Variants in OOSP1 observed in about 807,000 individuals in gnomAD.
The protein encoded by OOSP1 is putative oocyte-secreted protein 1 homolog.
In OOSP1, 11 loss-of-function variants were observed where a neutral mutation model predicts 5.7. The observed-to-expected ratio is 1.94, with a 90% confidence interval of 1.22 to 3.20. The LOEUF (loss-of-function observed/expected upper bound fraction) is 3.20, where lower values mean the gene tolerates loss of function less well. Ranked by LOEUF, OOSP1 falls within the 30% of genes most tolerant of loss-of-function variation. OOSP1 has a pLI of 0.00. For missense variants in OOSP1, 83 were observed against 54.1 expected (o/e 1.53, Z -1.67); for synonymous variants, 44 against 20.0 (o/e 2.20, Z -3.20).
At chr11:59,954,627 C>T (rs946230833) in intron 4 of OOSP1, among the ~76,000 whole-genome samples, 2 of 110,182 alleles carry the variant, frequency 1.8e-5, no homozygotes, top group African/African-American at 6.9e-5. Context: ...AGTGAAGGGA[C>T]TTTATCTATC....
At position 59,946,254 on chromosome 11, in the gene OOSP1, C is replaced by T. The variant is rs148446266; in HGVS notation, c.356+988C>T. On this transcript the variant is annotated intron_variant, in intron 3 of 4. Coordinates refer to ENST00000646685, the Ensembl canonical transcript of OOSP1. ...TAGGTTGCGCACTCCTTATGAGAATCTAATGCCTGGTGATCTGAGGTGGAA... is the reference window on the plus strand; with the variant it reads ...TAGGTTGCGCACTCCTTATGAGAATTTAATGCCTGGTGATCTGAGGTGGAA... Among the ~76,000 whole-genome samples, 13 of 152,342 alleles carry T rather than the reference C, an allele frequency of 8.5e-5. No homozygotes were observed. In the East Asian group the frequency reaches 2.5e-3, roughly 29 times the overall value.
intron 3 of OOSP1, among the ~76,000 whole-genome samples, 172 bp from the exon 4 acceptor site, chr11:59,947,561 A>G (rs1368207960): frequency 6.6e-6 from 1 of 152,150 alleles, no homozygotes; most frequent in African/African-American, 2.4e-5. Flanking sequence ...TAGCACCACA[A>G]ATACTGCCTG....
chr11:59,948,609 T>C, intron 4 of OOSP1: 2 of 394,968 alleles, frequency 5.1e-6, no homozygotes, highest in Non-Finnish European at 8.9e-6. Context: ...TCCATACATA[T>C]ACTTTGCTTT....
At chr11:59,948,041 C>T (rs542203890) in intron 4 of OOSP1, among the ~76,000 whole-genome samples, 179 bp downstream of exon 4, 1 of 152,132 alleles carries the variant, frequency 6.6e-6, no homozygotes, top group East Asian at 1.9e-4. Context: ...TTTTATTGAT[C>T]ATGGTGGTCT....
chr11:59,955,230 G>A (rs1238001300), intron 4 of OOSP1, among the ~76,000 whole-genome samples: 1 of 151,994 alleles, frequency 6.6e-6, no homozygotes, highest in South Asian at 2.1e-4. Context: ...GCTTATTAAA[G>A]CATTTCATCA....
intron 4 of OOSP1, among the ~76,000 whole-genome samples, chr11:59,948,174 T>A (rs1440028571): frequency 6.6e-6 from 1 of 152,210 alleles, no homozygotes; most frequent in African/African-American, 2.4e-5. Context: ...AATAAAGTTC[T>A]GAATTGTAAT....
At chr11:59,950,733 C>T (rs759171966) in intron 4 of OOSP1, among the ~76,000 whole-genome samples, 1 of 151,928 alleles carries the variant, frequency 6.6e-6, no homozygotes, top group African/African-American at 2.4e-5. Context: ...GTTGAGTCAG[C>T]TTTAAGGAAG....
intron 4 of OOSP1, among the ~76,000 whole-genome samples, chr11:59,948,550 C>T (rs552800291): frequency 1.2e-4 from 19 of 152,318 alleles, no homozygotes; most frequent in African/African-American, 4.6e-4. Context: ...AGAACATATA[C>T]TTTCTTTCTT....
chr11:59,945,443 C>T, intron 3 of OOSP1, 177 bp downstream of exon 3: 2 of 665,062 alleles, frequency 3.0e-6, no homozygotes, highest in Non-Finnish European at 5.5e-6. Flanking sequence ...TGTTGCATTG[C>T]TATAAAGAGA....
intron 4 of OOSP1, among the ~76,000 whole-genome samples, chr11:59,952,410 A>C (rs1853949243): frequency 6.6e-6 from 1 of 152,186 alleles, no homozygotes; most frequent in Non-Finnish European, 1.5e-5. Flanking sequence ...TGAGTGGTAA[A>C]AAAAAATGTG....
In OOSP1 at chr11:59,950,890, GT is replaced by G. The variant is rs141283027; in HGVS notation, c.486+3038del. ...AGATAAGTACCTGCACATGGTAATAGTTTTTTTTTTATAGATTACCATGAAT... is the reference window on the plus strand; with the variant it reads ...AGATAAGTACCTGCACATGGTAATAGTTTTTTTTTATAGATTACCATGAAT... On this transcript the variant is annotated intron_variant, in intron 4 of 4. Coordinates refer to ENST00000646685, the Ensembl canonical transcript of OOSP1. Among the ~76,000 whole-genome samples the G allele has an allele frequency of 3.9e-3, 585 of 148,154 alleles. 7 individuals are homozygous for G. Among genetic ancestry groups the G allele is most frequent in the African/African-American group, 0.013 (527 of 40,514 alleles).
intron 4 of OOSP1, among the ~76,000 whole-genome samples, chr11:59,952,708 G>A (rs1853952393): frequency 6.6e-6 from 1 of 152,038 alleles, no homozygotes; most frequent in South Asian, 2.1e-4. Context: ...TTGGTCCTGG[G>A]TGCACTAAAA....
Position 59,943,029 on chromosome 11 carries a change from G to GT in OOSP1, c.258+2dup. 3 of 702,690 alleles carry GT rather than the reference G, an allele frequency of 4.3e-6. No homozygotes were observed. Among genetic ancestry groups the GT allele is most frequent in the Non-Finnish European group, 7.8e-6 (3 of 384,790 alleles). 43.5% of individuals were successfully genotyped at this position (702,690 alleles called of 1,614,324 possible). A position where few individuals can be genotyped will look rare whatever the true frequency, so the allele number is the denominator to read the frequency against. ...TCATGACTGTGGTATTGTAACTCAA[G>GT]TAAGAAATGGCTATCTTACTTAAAA... On this transcript the variant is annotated splice_donor_variant, in intron 2 of 4. Transcript: ENST00000646685. LOFTEE classifies it high-confidence loss of function.
Position 59,941,354 on chromosome 11 carries a change from A to T in OOSP1, c.77-1493A>T, listed in dbSNP as rs1275448117. Among the ~76,000 whole-genome samples the T allele has an allele frequency of 5.9e-5, 9 of 152,054 alleles. No individual in the cohort carries two copies. In the East Asian group the frequency reaches 1.7e-3, roughly 29 times the overall value. ...GGGCTGTCTTCAGTTTTTGACTATT[A>T]TAAATGAAGCTATTGTTAGCATTTA... is the stretch of plus-strand genomic sequence containing the variant. On this transcript the variant is annotated intron_variant, in intron 1 of 4. Coordinates refer to ENST00000646685, the Ensembl canonical transcript of OOSP1.
intron 1 of OOSP1, among the ~76,000 whole-genome samples, chr11:59,938,888 T>A (rs1853797439): frequency 6.6e-6 from 1 of 152,182 alleles, no homozygotes. Flanking sequence ...TGGGACTCTG[T>A]GGTGTGTCAC....
intron 4 of OOSP1, among the ~76,000 whole-genome samples, chr11:59,954,809 T>C (rs1853977978): frequency 6.6e-6 from 1 of 152,184 alleles, no homozygotes; most frequent in African/African-American, 2.4e-5. Flanking sequence ...GATCCTCATA[T>C]AGAATTATCT....
intron 4 of OOSP1, among the ~76,000 whole-genome samples, chr11:59,955,128 G>A (rs564166645): frequency 6.6e-6 from 1 of 151,830 alleles, no homozygotes; most frequent in South Asian, 2.1e-4. Flanking sequence ...AACACATTAT[G>A]GTTTACATTA....
At chr11:59,946,248 G>A (rs989226351) in intron 3 of OOSP1, among the ~76,000 whole-genome samples, 2 of 152,204 alleles carry the variant, frequency 1.3e-5, no homozygotes, top group Non-Finnish European at 2.9e-5. Flanking sequence ...CACTCCTTAT[G>A]AGAATCTAAT....
At chr11:59,955,879 A>G (rs928546564) in intron 4 of OOSP1, among the ~76,000 whole-genome samples, 2 of 152,080 alleles carry the variant, frequency 1.3e-5, no homozygotes, top group Admixed American at 6.6e-5. Context: ...TGATCCTCCT[A>G]TTTCGGCCTC....
Sources: gnomAD v4.1 joint callset for allele counts (sites outside exome capture counted in the v4.1 genomes callset) on GRCh38, gnomAD v4.1.1 for gene constraint, MANE v1.5 for transcripts, NCBI Gene and HGNC (gene_info 2026-07-23, HGNC 2026-07-21) for gene names.